ATG7: variants seen among roughly 807,000 people sequenced by gnomAD.
ATG7 encodes the protein autophagy related 7, also known as ubiquitin-like modifier-activating enzyme ATG7.
In ATG7, 70 loss-of-function variants were observed where a neutral mutation model predicts 82.4. The ratio of observed to expected loss-of-function variants is 0.85; its 90% CI spans 0.70 to 1.04. The LOEUF (loss-of-function observed/expected upper bound fraction) is 1.04. ATG7 is among the 50% of genes least tolerant of loss of function. The pLI is 0.00. For synonymous variants in ATG7, 287 were observed against 313.0 expected (o/e 0.92, Z 0.88); for missense variants, 792 against 864.3 (o/e 0.92, Z 1.05).
chr3:11,347,709 C>T (rs1954771219), intron 13 of ATG7, among the ~76,000 whole-genome samples, 168 bp from the exon 14 acceptor site: 1 of 152,162 alleles, frequency 6.6e-6, no homozygotes, highest in East Asian at 1.9e-4. Flanking sequence ...TAAGGAAAGT[C>T]AACATTCTGT....
At chr3:11,345,609 C>T (rs897519220) in intron 13 of ATG7, among the ~76,000 whole-genome samples, 1 of 151,994 alleles carries the variant, frequency 6.6e-6, no homozygotes, top group African/African-American at 2.4e-5. Flanking sequence ...TTTTCATATT[C>T]CTAATGTTGT....
rs1393048901 is a variant in ATG7 at position 11,527,057 on chromosome 3, GTGTGTGTGTGTGTGTA to G, written c.2080-27752_2080-27737del. 5.6e-3 allele frequency among the ~76,000 whole-genome samples: 574 copies of G among 103,076 alleles called. 4 individuals carry two copies. The highest frequency in any genetic ancestry group is 0.02 in the African/African-American group (554 of 27,230). 67.6% of individuals were successfully genotyped at this position (103,076 alleles called of 152,430 possible). ...TGTGTATATATGTGTGTGTGTGTGT[GTGTGTGTGTGTGTGTA>G]TATATATATATATATATATACATAC... On this transcript the variant is annotated intron_variant, in intron 20 of 20. Coordinates refer to ENST00000693202, the MANE Select transcript of ATG7 (RefSeq NM_001349232.2).
chr3:11,449,838 A>G (rs2084934034), intron 20 of ATG7, among the ~76,000 whole-genome samples: 1 of 152,244 alleles, frequency 6.6e-6, no homozygotes, highest in Non-Finnish European at 1.5e-5. Context: ...AAGCGGTTGT[A>G]GATGGAAAAC....
the ATG7 span, chr3:11,564,837 G>A: frequency 1.3e-6 from 2 of 1,597,682 alleles, no homozygotes; most frequent in Non-Finnish European, 1.7e-6. Context: ...CGAGAGGCCG[G>A]CTGGCCTGCT....
At chr3:11,340,551 T>C (rs1953382135) in intron 11 of ATG7, 94 bp from the exon 12 acceptor site, 1 of 1,110,844 alleles carries the variant, frequency 9.0e-7, no homozygotes, top group African/African-American at 1.6e-5. Flanking sequence ...TGGGCCATTA[T>C]GAATGTCGAT....
chr3:11,433,510 T>C (rs576001980), intron 20 of ATG7, among the ~76,000 whole-genome samples: 2 of 152,240 alleles, frequency 1.3e-5, no homozygotes, highest in East Asian at 1.9e-4. Flanking sequence ...CAAAATATTT[T>C]CTAACTGAAT....
chr3:11,479,430 A>AC (rs1456053653), intron 20 of ATG7, among the ~76,000 whole-genome samples: 1 of 152,124 alleles, frequency 6.6e-6, no homozygotes, highest in African/African-American at 2.4e-5. Context: ...AGTGCTTAAA[A>AC]CCCAGAGCCT....
At chr3:11,306,307 C>G (rs1012023242) in intron 5 of ATG7, among the ~76,000 whole-genome samples, 1 of 152,232 alleles carries the variant, frequency 6.6e-6, no homozygotes, top group African/African-American at 2.4e-5. Context: ...ACTTTCTATC[C>G]TCAAGGAGCT....
chr3:11,387,696 C>T (rs915964911), intron 19 of ATG7, among the ~76,000 whole-genome samples: 7 of 152,288 alleles, frequency 4.6e-5, no homozygotes, highest in African/African-American at 1.7e-4. Flanking sequence ...GCCAGCTGGG[C>T]GTGGTGGCGC....
intron 14 of ATG7, among the ~76,000 whole-genome samples, chr3:11,353,531 T>G (rs1188700834): frequency 6.6e-6 from 1 of 152,218 alleles, no homozygotes; most frequent in Non-Finnish European, 1.5e-5. Context: ...CCAAATCTCA[T>G]GTTGAATTGT....
At chr3:11,315,279 T>G (rs1482861104) in intron 8 of ATG7, 65 bp from the exon 9 acceptor site, 1 of 1,373,810 alleles carries the variant, frequency 7.3e-7, no homozygotes, top group Admixed American at 2.7e-5. Context: ...TTTTTTGAGT[T>G]AGTTTTTAGC....
At chr3:11,568,211 CGTG>C in the ATG7 span, among the ~76,000 whole-genome samples, 1 of 152,210 alleles carries the variant, frequency 6.6e-6, no homozygotes, top group Non-Finnish European at 1.5e-5. This position sits in a 1 kb window ranked among gnomAD's most constrained non-coding sequence, Gnocchi z 5.9. Flanking sequence ...AAGCCAAAGT[CGTG>C]GTACATAAGG....
chr3:11,504,759 CAAGA>C (rs777596007), intron 20 of ATG7, among the ~76,000 whole-genome samples: 17 of 152,006 alleles, frequency 1.1e-4, no homozygotes, highest in Non-Finnish European at 2.2e-4. Context: ...CAATGTTGTA[CAAGA>C]AAGAATAAGT....
At chr3:11,422,805 T>C (rs1434863408) in intron 19 of ATG7, among the ~76,000 whole-genome samples, 1 of 128,944 alleles carries the variant, frequency 7.8e-6, no homozygotes, top group Non-Finnish European at 1.5e-5. Flanking sequence ...CAGGCTGGAG[T>C]GCAGTGTGGC....
At chr3:11,563,736 C>A in the ATG7 span, among the ~76,000 whole-genome samples, 1 of 152,208 alleles carries the variant, frequency 6.6e-6, no homozygotes, top group Non-Finnish European at 1.5e-5. Context: ...TCTGGTACCC[C>A]CTGGCACACA....
At chr3:11,562,186 T>C (rs1485376740), downstream of ATG7, among the ~76,000 whole-genome samples, 2 of 152,316 alleles carry the variant, frequency 1.3e-5, no homozygotes, top group East Asian at 1.9e-4. Context: ...TGTGAGCCAC[T>C]GTGCCCAGCC....
At chr3:11,508,453 T>G (rs767490299) in intron 20 of ATG7, among the ~76,000 whole-genome samples, 1 of 152,068 alleles carries the variant, frequency 6.6e-6, no homozygotes, top group Non-Finnish European at 1.5e-5. Flanking sequence ...CTAAGGGATA[T>G]AGCTTTATTT....
chr3:11,550,900 G>A (rs186033090), intron 20 of ATG7, among the ~76,000 whole-genome samples: 2 of 151,676 alleles, frequency 1.3e-5, no homozygotes, highest in African/African-American at 2.4e-5. Context: ...GAGCTTACCC[G>A]TGTTTGTATC....
chr3:11,339,005 C>A (rs1953007295), intron 11 of ATG7, among the ~76,000 whole-genome samples: 1 of 151,972 alleles, frequency 6.6e-6, no homozygotes, highest in Non-Finnish European at 1.5e-5. Context: ...ACAAAGAAAA[C>A]CAGTGTACAG....
Sources: gnomAD v4.1 joint callset for allele counts (sites outside exome capture counted in the v4.1 genomes callset) on GRCh38, gnomAD v4.1.1 for gene constraint, Gnocchi (gnomAD v3.1) non-coding constraint, MANE v1.5 for transcripts, NCBI Gene and HGNC (gene_info 2026-07-23, HGNC 2026-07-21) for gene names.